The following RNF138 variants were observed in gnomAD, a reference collection of about 807,000 sequenced individuals.
RNF138 encodes E3 ubiquitin-protein ligase RNF138.
In RNF138, 12 loss-of-function variants were observed where a neutral mutation model predicts 31.0. The ratio of observed to expected loss-of-function variants is 0.39; its 90% CI spans 0.25 to 0.63. The LOEUF is 0.63. Ranked by LOEUF, RNF138 falls within the 20% of genes least tolerant of loss-of-function variation. The pLI is 0.52. For synonymous variants in RNF138, 105 were observed against 99.5 expected (o/e 1.06, Z -0.33); for missense variants, 192 against 300.1 (o/e 0.64, Z 2.66).
Position 32,116,737 on chromosome 18 carries a change from T to TGG in RNF138, c.392+2883_392+2884dup, listed in dbSNP as rs61555941. ...CATCTAATTTTTTGATTTTTTGGGG[T>TGG]GGGGGGGTGGTTTTTGGTGTTAAAC... On this transcript the variant is annotated intron_variant, in intron 4 of 7. Coordinates refer to ENST00000261593, the MANE Select transcript of RNF138 (RefSeq NM_016271.5). 1.5e-4 allele frequency among the ~76,000 whole-genome samples: 23 copies of TGG among 150,550 alleles called. No individual in the cohort carries two copies. The East Asian group carries it at 3.6e-3, about 23-fold the overall frequency.
chr18:32,128,206 A>T (rs988770396), intron 7 of RNF138, among the ~76,000 whole-genome samples: 2 of 152,252 alleles, frequency 1.3e-5, no homozygotes, highest in East Asian at 3.8e-4. Context: ...TAGTTTTATA[A>T]CGATTGAATA....
In RNF138 at chr18:32,125,929, C is replaced by T. The variant is rs191951832; in HGVS notation, c.562-764C>T. On this transcript the variant is annotated intron_variant, in intron 6 of 7. Transcript: ENST00000261593. ...CAGTGCCAAAGATGTTCCAGGAAAT[C>T]TCGCTCATATTTAAGATTTTACTTA... Among the ~76,000 whole-genome samples the T allele has an allele frequency of 1.1e-4, 16 of 152,322 alleles. No homozygotes were observed. In the East Asian group the frequency reaches 2.1e-3, roughly 20 times the overall value.
At chr18:32,101,012 A>G (rs2039928789) in intron 2 of RNF138, among the ~76,000 whole-genome samples, 1 of 152,172 alleles carries the variant, frequency 6.6e-6, no homozygotes, top group Non-Finnish European at 1.5e-5. Context: ...GTGAGTATCG[A>G]TGACCCTTTC....
In RNF138 at chr18:32,111,639, A is replaced by T. The variant is rs2040132843; in HGVS notation, c.111-115A>T. On this transcript the variant is annotated intron_variant, in intron 2 of 7. Transcript: ENST00000261593. ...AACTTCTGAGATTTATGTACATATG[A>T]GTAGCCTAACTTATTTAATATGAAT... 4.3e-5 allele frequency: 35 copies of T among 818,924 alleles called. No homozygotes were observed. The South Asian group carries it at 6.1e-4, about 14-fold the overall frequency. The allele number at this position is 818,924 out of a possible 1,614,324, so 50.7% of individuals were successfully genotyped here. A position where few individuals can be genotyped will look rare whatever the true frequency, so the allele number is the denominator to read the frequency against.
At chr18:32,119,451 G>A (rs1326771199) in intron 4 of RNF138, among the ~76,000 whole-genome samples, 1 of 151,908 alleles carries the variant, frequency 6.6e-6, no homozygotes, top group East Asian at 1.9e-4. Flanking sequence ...TTGAGACAGA[G>A]TCTAACTCTG....
In RNF138 at chr18:32,129,555, TAGCAAATTTTG is replaced by T. The variant is rs1239223990; in HGVS notation, c.*370_*380del. The T allele has an allele frequency of 1.2e-5, 2 of 165,572 alleles. No individual in the cohort carries two copies. The highest frequency in any genetic ancestry group is 2.4e-5 in the African/African-American group (1 of 41,858). The allele number at this position is 165,572 out of a possible 1,614,324, so 10.3% of individuals were successfully genotyped here. A position where few individuals can be genotyped will look rare whatever the true frequency, so the allele number is the denominator to read the frequency against. On this transcript the variant is annotated 3_prime_UTR_variant, in exon 8 of 8. Coordinates refer to ENST00000261593, the MANE Select transcript of RNF138 (RefSeq NM_016271.5). ...ATTATTGTACACATTTAACACACAG[TAGCAAATTTTG>T]AACGATGTGATTGATATAACCTAAC...
chr18:32,101,257 C>T (rs1465551374), intron 2 of RNF138, among the ~76,000 whole-genome samples: 14 of 150,744 alleles, frequency 9.3e-5, no homozygotes, highest in African/African-American at 3.4e-4. Context: ...CTCTGTTGTC[C>T]AGGCTGGAGT....
intron 2 of RNF138, among the ~76,000 whole-genome samples, chr18:32,098,975 T>C (rs1159976017): frequency 2.6e-5 from 4 of 151,490 alleles, no homozygotes; most frequent in African/African-American, 9.7e-5. Context: ...GGAAAATAGA[T>C]AGACTAAGTG....
intron 2 of RNF138, among the ~76,000 whole-genome samples, chr18:32,093,643 A>G (rs1387594066): frequency 1.3e-5 from 2 of 152,204 alleles, no homozygotes; most frequent in South Asian, 4.1e-4. Context: ...GACTTCTGTT[A>G]TGAGGAATGA....
intron 4 of RNF138, among the ~76,000 whole-genome samples, chr18:32,117,429 A>C (rs1017475712): frequency 1.3e-5 from 2 of 152,160 alleles, no homozygotes; most frequent in African/African-American, 4.8e-5. Flanking sequence ...GAAATAGATA[A>C]CAGAACCTGA....
rs188787840 is a variant in RNF138, at chr18:32,131,541, A to G, written c.*2354A>G. ...TTGAGATGTATTGCTTTATTTTTCA[A>G]TTAAAAGTGGTTTTCTCCTACTTGT... On this transcript the variant is annotated 3_prime_UTR_variant, in exon 8 of 8. Transcript: ENST00000261593. 13 of 152,282 alleles carry G rather than the reference A, an allele frequency of 8.5e-5. No homozygotes were observed. The East Asian group carries it at 1.2e-3, about 14-fold the overall frequency. 9.4% of individuals were successfully genotyped at this position (152,282 alleles called of 1,614,324 possible). A position where few individuals can be genotyped will look rare whatever the true frequency, so the allele number is the denominator to read the frequency against.
intron 2 of RNF138, among the ~76,000 whole-genome samples, chr18:32,094,385 AGT>A (rs1463678060): frequency 2.0e-5 from 3 of 152,034 alleles, no homozygotes; most frequent in Non-Finnish European, 4.4e-5. Flanking sequence ...GTGAGCCAAG[AGT>A]GTGTGGATTT....
chr18:32,092,705 C>G lies in RNF138; in HGVS notation c.-72C>G, dbSNP rs752121707. On this transcript the variant is annotated 5_prime_UTR_variant, in exon 2 of 8. Transcript: ENST00000261593. ...CCCCCTCCGGGTTCATGTAGGGAGT[C>G]GGGCCCCGGGCCGCCACCGTCACCT... is the stretch of plus-strand genomic sequence containing the variant. 2.2e-6 allele frequency: 2 copies of G among 893,704 alleles called. No homozygotes were observed. The highest frequency in any genetic ancestry group is 3.6e-6 in the Non-Finnish European group (2 of 562,832). The allele number at this position is 893,704 out of a possible 1,614,324, so 55.4% of individuals were successfully genotyped here.
Position 32,123,524 on chromosome 18 carries a change from G to A in RNF138, c.399G>A (p.Arg133=). ...TTCCCCTGTGCTTCTTAAGCAATAG[G>A]AGTGAAACATCCACATCTGATAACA... The part of the protein sequence containing the change: ...ISQDSVGNSN[R]SETSTSDNTE... Residue 133 remains arginine, a synonymous_variant, in exon 5 of 8, where the codon AGG becomes AGA. Coordinates refer to ENST00000261593, the MANE Select transcript of RNF138 (RefSeq NM_016271.5). 1 of 1,584,984 alleles carries A rather than the reference G, an allele frequency of 6.3e-7. No individual in the cohort carries two copies. The highest frequency in any genetic ancestry group is 8.6e-7 in the Non-Finnish European group (1 of 1,167,680).
At chr18:32,094,082 C>T (rs1432098260) in intron 2 of RNF138, among the ~76,000 whole-genome samples, 1 of 152,176 alleles carries the variant, frequency 6.6e-6, no homozygotes, top group African/African-American at 2.4e-5. Context: ...TGAGCCACCG[C>T]GCCCCGCCCG....
intron 4 of RNF138, among the ~76,000 whole-genome samples, chr18:32,120,719 A>G (rs1003824369): frequency 2.6e-5 from 4 of 152,224 alleles, no homozygotes; most frequent in African/African-American, 9.6e-5. Context: ...AATGGTAGAT[A>G]GAAGGGAGAA....
chr18:32,115,562 T>C (rs1212385354), intron 4 of RNF138, among the ~76,000 whole-genome samples: 1 of 152,194 alleles, frequency 6.6e-6, no homozygotes, highest in East Asian at 1.9e-4. Context: ...CTGGCCATCA[T>C]GGTGAAACCT....
chr18:32,099,034 T>C (rs192525134), intron 2 of RNF138, among the ~76,000 whole-genome samples: 324 of 151,864 alleles, frequency 2.1e-3, no homozygotes, highest in African/African-American at 7.3e-3. Context: ...GCATGATGAG[T>C]GGGAATATTG....
In RNF138 at chr18:32,129,383, A is replaced by G. The variant is rs888221545; in HGVS notation, c.*196A>G. The G allele has an allele frequency of 2.8e-5, 14 of 496,684 alleles. No individual in the cohort carries two copies. In the Admixed American group the frequency reaches 4.0e-4, roughly 14 times the overall value. The allele number at this position is 496,684 out of a possible 1,614,324, so 30.8% of individuals were successfully genotyped here. On this transcript the variant is annotated 3_prime_UTR_variant, in exon 8 of 8. Transcript: ENST00000261593. ...TAAGTTAAAAAATGAAAGTTATGACATTAGCTTTAAAGGTGTAAAAAAGAT... is the reference window on the plus strand; with the variant it reads ...TAAGTTAAAAAATGAAAGTTATGACGTTAGCTTTAAAGGTGTAAAAAAGAT...
Sources: gnomAD v4.1 joint callset for allele counts (sites outside exome capture counted in the v4.1 genomes callset) on GRCh38, gnomAD v4.1.1 for gene constraint, MANE v1.5 for transcripts, NCBI Gene and HGNC (gene_info 2026-07-23, HGNC 2026-07-21) for gene names.